LRRC72: variants seen among roughly 807,000 people sequenced by gnomAD.
LRRC72 encodes the protein leucine rich repeat containing 72.
LRRC72 carries 41 observed loss-of-function variants against 35.8 expected under a neutral mutation model. That is an observed-to-expected ratio of 1.15 (90% CI 0.89 to 1.49). The LOEUF is 1.49. Ranked by LOEUF, LRRC72 falls within the 40% of genes most tolerant of loss-of-function variation. The pLI, the probability that LRRC72 is intolerant of heterozygous loss-of-function variation, is 0.00. For synonymous variants in LRRC72, 118 were observed against 119.2 expected (o/e 0.99, Z 0.07); for missense variants, 389 against 330.7 (o/e 1.18, Z -1.37).
rs139966615 is a variant in LRRC72, at chr7:16,560,706, G to A, written c.427+1707G>A. Among the ~76,000 whole-genome samples, 161 of 150,112 alleles carry A rather than the reference G, an allele frequency of 1.1e-3. 1 individual carries two copies. The highest frequency in any genetic ancestry group is 3.8e-3 in the African/African-American group (155 of 40,918). ...CTCTGTTTTTTTTTTTTAAGAAAACGTTTCTCACCATTAATGTTATTTTGA... is the reference window on the plus strand; with the variant it reads ...CTCTGTTTTTTTTTTTTAAGAAAACATTTCTCACCATTAATGTTATTTTGA... On this transcript the variant is annotated intron_variant, in intron 5 of 8. Coordinates refer to ENST00000401542, the MANE Select transcript of LRRC72 (RefSeq NM_001195280.2).
chr7:16,559,456 G>C (rs535734606), intron 5 of LRRC72, among the ~76,000 whole-genome samples: 7 of 151,956 alleles, frequency 4.6e-5, no homozygotes, highest in Non-Finnish European at 8.8e-5. Flanking sequence ...TTTAAGATAC[G>C]CTTTTGAAAA....
intron 3 of LRRC72, 21 bp from the exon 4 acceptor site, chr7:16,557,339 T>G: frequency 2.1e-6 from 2 of 965,156 alleles, no homozygotes; most frequent in Non-Finnish European, 1.4e-6. Flanking sequence ...AAGTATATTG[T>G]TCTCTAACTC....
At chr7:16,570,976 GT>G (rs549198798) in intron 7 of LRRC72, among the ~76,000 whole-genome samples, 172 of 140,988 alleles carry the variant, frequency 1.2e-3, no homozygotes, top group East Asian at 2.3e-3. Context: ...TTTTGTTTCT[GT>G]TTTTTTTTTT....
chr7:16,575,513 G>A (rs781375814), intron 7 of LRRC72, among the ~76,000 whole-genome samples: 2 of 152,176 alleles, frequency 1.3e-5, no homozygotes, highest in African/African-American at 2.4e-5. Context: ...TTGAATACCA[G>A]ATCTGCTAAT....
chr7:16,573,557 G>A (rs141780018), intron 7 of LRRC72, among the ~76,000 whole-genome samples: 4 of 152,174 alleles, frequency 2.6e-5, no homozygotes, highest in African/African-American at 7.2e-5. Flanking sequence ...ATGGGGAAAG[G>A]ATTCCCTATT....
chr7:16,560,093 A>G (rs376552276), intron 5 of LRRC72, among the ~76,000 whole-genome samples: 50 of 152,336 alleles, frequency 3.3e-4, no homozygotes, highest in African/African-American at 1.2e-3. Context: ...ACAATACAAG[A>G]TAAAGGATTC....
chr7:16,580,732 T>C (rs1273136943), intron 8 of LRRC72, among the ~76,000 whole-genome samples: 1 of 152,196 alleles, frequency 6.6e-6, no homozygotes, highest in African/African-American at 2.4e-5. Flanking sequence ...TCTCTAAATA[T>C]GTTCAGTCAT....
intron 6 of LRRC72, 91 bp downstream of exon 6, chr7:16,566,493 C>T (rs1562751113): frequency 1.5e-6 from 1 of 669,436 alleles, no homozygotes; most frequent in Non-Finnish European, 2.3e-6. Flanking sequence ...GAAAATATGT[C>T]TTTGTAAAAA....
At position 16,567,399 on chromosome 7, in the gene LRRC72, G is replaced by T; in HGVS notation, c.526G>T (p.Glu176Ter). 2 of 1,486,092 alleles carry T rather than the reference G, an allele frequency of 1.3e-6. No individual in the cohort carries two copies. Among genetic ancestry groups the T allele is most frequent in the Non-Finnish European group, 1.8e-6 (2 of 1,116,890 alleles). The allele number at this position is 1,486,092 out of a possible 1,614,324, so 92.1% of individuals were successfully genotyped here. Residue 176 changes from glutamate to a stop codon, truncating the protein, a stop_gained, in exon 7 of 9, where the codon GAA (glutamate) becomes TAA (stop). Transcript: ENST00000401542. LOFTEE classifies it high-confidence loss of function. The part of the protein sequence containing the change: ...VELLDRNQVT[E>*]KERRSMITIF... ...CTTTTTGCATTTATCAGAAGTTACA[G>T]AAAAAGAAAGAAGATCAATGATTAC... is the stretch of plus-strand genomic sequence containing the variant.
At chr7:16,576,905 G>T (rs1783051760) in intron 7 of LRRC72, among the ~76,000 whole-genome samples, 1 of 152,252 alleles carries the variant, frequency 6.6e-6, no homozygotes, top group South Asian at 2.1e-4. Context: ...AGGCCAAAAA[G>T]GAAGACCAGG....
At chr7:16,559,137 T>A in intron 5 of LRRC72, 138 bp downstream of exon 5, 1 of 515,198 alleles carries the variant, frequency 1.9e-6, no homozygotes, top group Non-Finnish European at 3.5e-6. Context: ...CTCACGCCTG[T>A]AATCTCAGTG....
intron 3 of LRRC72, among the ~76,000 whole-genome samples, chr7:16,541,723 C>T (rs1362230963): frequency 1.3e-5 from 2 of 152,186 alleles, no homozygotes; most frequent in Non-Finnish European, 2.9e-5. Context: ...ACCAGCCTGG[C>T]CAACATGGTG....
chr7:16,568,935 T>C (rs1334280368), intron 7 of LRRC72, among the ~76,000 whole-genome samples: 1 of 152,026 alleles, frequency 6.6e-6, no homozygotes, highest in Non-Finnish European at 1.5e-5. Flanking sequence ...TATTCAAGAA[T>C]GAGCGAAAGG....
intron 3 of LRRC72, among the ~76,000 whole-genome samples, chr7:16,548,958 A>G (rs1268833682): frequency 6.6e-6 from 1 of 152,268 alleles, no homozygotes; most frequent in Non-Finnish European, 1.5e-5. Context: ...CAATAAGAGC[A>G]GAGAATTTTG....
chr7:16,553,818 G>C (rs1256729064), intron 3 of LRRC72, among the ~76,000 whole-genome samples: 1 of 152,106 alleles, frequency 6.6e-6, no homozygotes, highest in Non-Finnish European at 1.5e-5. Context: ...GTACCTAGTA[G>C]TACCCTAGTG....
chr7:16,558,398 C>T (rs1183459290), intron 4 of LRRC72, among the ~76,000 whole-genome samples: 2 of 152,154 alleles, frequency 1.3e-5, no homozygotes, highest in South Asian at 2.1e-4. Context: ...CACCTGAGGT[C>T]GGGAGTTCGA....
intron 7 of LRRC72, among the ~76,000 whole-genome samples, chr7:16,576,512 A>T (rs10271499): frequency 0.015 from 2,336 of 152,324 alleles, 59 homozygotes; most frequent in African/African-American, 0.054. Context: ...AGTTTTCTTC[A>T]AGTCCCATCT....
chr7:16,557,163 A>G (rs1782663313), intron 3 of LRRC72, among the ~76,000 whole-genome samples, 197 bp from the exon 4 acceptor site: 1 of 152,236 alleles, frequency 6.6e-6, no homozygotes, highest in Non-Finnish European at 1.5e-5. Flanking sequence ...TATTCTTTTC[A>G]TCACATTCTC....
At chr7:16,533,410 C>T (rs1180964865) in intron 2 of LRRC72, among the ~76,000 whole-genome samples, 1 of 152,214 alleles carries the variant, frequency 6.6e-6, no homozygotes, top group East Asian at 1.9e-4. Flanking sequence ...ACAGTTCTCA[C>T]TGGCCGATAA....
Sources: gnomAD v4.1 joint callset for allele counts (sites outside exome capture counted in the v4.1 genomes callset) on GRCh38, gnomAD v4.1.1 for gene constraint, MANE v1.5 for transcripts, NCBI Gene and HGNC (gene_info 2026-07-23, HGNC 2026-07-21) for gene names.